SEMA5B: variants seen among roughly 807,000 people sequenced by gnomAD.
The protein encoded by SEMA5B is semaphorin 5B.
SEMA5B carries 66 observed loss-of-function variants against 135.0 expected under a neutral mutation model. The observed-to-expected ratio is 0.49, with a 90% CI of 0.40 to 0.60. The LOEUF (loss-of-function observed/expected upper bound fraction) is 0.60, where lower values mean the gene tolerates loss of function less well. Among genes scored for constraint, SEMA5B ranks in the 20% least tolerant of loss-of-function variants. The pLI is 0.00. For synonymous variants in SEMA5B, 690 were observed against 639.5 expected (o/e 1.08, Z -1.19); for missense variants, 1,501 against 1,566.3 (o/e 0.96, Z 0.70).
intron 1 of SEMA5B, among the ~76,000 whole-genome samples, chr3:122,971,669 T>G (rs778296400): frequency 6.6e-6 from 1 of 152,216 alleles, no homozygotes; most frequent in Non-Finnish European, 1.5e-5. Flanking sequence ...GTGGGGAAGG[T>G]GTTCACACAC....
intron 2 of SEMA5B, among the ~76,000 whole-genome samples, chr3:122,955,376 G>A (rs1206790302): frequency 2.0e-5 from 3 of 152,156 alleles, no homozygotes; most frequent in Admixed American, 2.0e-4. Flanking sequence ...CACAAAGTAG[G>A]CATTGTATAA....
intron 5 of SEMA5B, among the ~76,000 whole-genome samples, chr3:122,930,710 G>A (rs1259519871): frequency 6.6e-6 from 1 of 152,200 alleles, no homozygotes; most frequent in Non-Finnish European, 1.5e-5. Context: ...ATTCAACAGT[G>A]GGACAGGCAC....
At chr3:122,970,057 A>G (rs1254932282) in intron 1 of SEMA5B, among the ~76,000 whole-genome samples, 1 of 152,164 alleles carries the variant, frequency 6.6e-6, no homozygotes, top group Non-Finnish European at 1.5e-5. Flanking sequence ...CAGAACTGCT[A>G]CTTCTCTAGG....
chr3:122,986,555 G>A (rs1449564923), intron 1 of SEMA5B, among the ~76,000 whole-genome samples: 3 of 152,062 alleles, frequency 2.0e-5, no homozygotes, highest in Non-Finnish European at 4.4e-5. Flanking sequence ...AGAGAGGCAG[G>A]AGGGGGCACT....
At chr3:122,956,594 G>A (rs993148903) in intron 2 of SEMA5B, among the ~76,000 whole-genome samples, 1 of 152,194 alleles carries the variant, frequency 6.6e-6, no homozygotes, top group African/African-American at 2.4e-5. Context: ...GGCTAAGAGA[G>A]TGTGTATCAG....
chr3:122,926,559 C>G lies in SEMA5B; in HGVS notation c.969G>C (p.Lys323Asn). 6.2e-7 allele frequency: 1 copy of G among 1,614,236 alleles called. No homozygotes were observed. Among genetic ancestry groups the G allele is most frequent in the Non-Finnish European group, 8.5e-7 (1 of 1,180,046 alleles). ...TVYSRVARVC[K>N]NDVGGRFLLE... ...GCAGGAATCGGCCCCCCACGTCATT[C>G]TTGCACACGCGGGCCACGCGAGAGT... The change falls in exon 9 of 23, where the codon AAG becomes AAC. Residue 323 changes from lysine (K) to asparagine (N), a missense_variant. Coordinates refer to ENST00000357599, the MANE Select transcript of SEMA5B (RefSeq NM_001031702.4).
chr3:122,979,140 CA>C (rs1941437373), intron 1 of SEMA5B, among the ~76,000 whole-genome samples: 2 of 152,286 alleles, frequency 1.3e-5, no homozygotes, highest in South Asian at 4.1e-4. Flanking sequence ...GGGGAAGAAG[CA>C]AAGTCCTCAG....
At chr3:122,940,536 T>C (rs2107518559) in intron 4 of SEMA5B, among the ~76,000 whole-genome samples, 1 of 152,370 alleles carries the variant, frequency 6.6e-6, no homozygotes, top group East Asian at 1.9e-4. Context: ...TTTTGGTTCC[T>C]AAACTTTTTA....
intron 2 of SEMA5B, among the ~76,000 whole-genome samples, chr3:122,950,245 T>C (rs1236318628): frequency 4.6e-5 from 7 of 152,204 alleles, no homozygotes; most frequent in Admixed American, 4.6e-4. Context: ...CATCTATGGG[T>C]TTAGCAAAAA....
At chr3:122,939,236 C>A (rs1939444504) in intron 5 of SEMA5B, among the ~76,000 whole-genome samples, 189 bp downstream of exon 5, 1 of 152,234 alleles carries the variant, frequency 6.6e-6, no homozygotes, top group Non-Finnish European at 1.5e-5. Flanking sequence ...GAGCCACACC[C>A]TCCCTCCACG....
intron 1 of SEMA5B, among the ~76,000 whole-genome samples, chr3:122,986,678 T>A (rs1424296226): frequency 6.7e-6 from 1 of 149,158 alleles, no homozygotes; most frequent in Non-Finnish European, 1.5e-5. Context: ...AAATGGTGGG[T>A]AGAAAGGAAC....
chr3:122,912,047 C>T lies in SEMA5B; in HGVS notation c.2919G>A (p.Glu973=). 1.2e-6 allele frequency: 2 copies of T among 1,613,368 alleles called. No individual in the cohort carries two copies. The highest frequency in any genetic ancestry group is 1.1e-5 in the South Asian group (1 of 91,026). The change falls in exon 20 of 23, where the codon GAG becomes GAA. Residue 973 remains glutamate, a synonymous_variant. Coordinates refer to ENST00000357599, the MANE Select transcript of SEMA5B (RefSeq NM_001031702.4). ...ACPEGWSPWS[E]WSKCTDDGAQ... ...CTCCGTCGTCAGTGCACTTACTCCA[C>T]TCAGACCAGGGCGACCAGCCTTCTG...
intron 12 of SEMA5B, among the ~76,000 whole-genome samples, chr3:122,921,052 GC>G (rs2107634981): frequency 6.6e-6 from 1 of 152,192 alleles, no homozygotes; most frequent in East Asian, 1.9e-4. Flanking sequence ...ACAGGCCTCT[GC>G]CCAGCTCCGA....
intron 1 of SEMA5B, among the ~76,000 whole-genome samples, chr3:123,009,088 T>C (rs1408727613): frequency 6.6e-6 from 1 of 152,184 alleles, no homozygotes; most frequent in Non-Finnish European, 1.5e-5. Context: ...GGTGGACCCG[T>C]GGCAGGGCAA....
rs374695410 is a variant in SEMA5B at position 122,932,025 on chromosome 3, C to T, written c.475-2967G>A. On this transcript the variant is annotated intron_variant, in intron 5 of 22. Coordinates refer to ENST00000357599, the MANE Select transcript of SEMA5B (RefSeq NM_001031702.4). ...GTCAGATGTCTTTAACTGAAAGACACGTCCCAACTTCAGACTCATTAAAAT... is the reference window on the plus strand; with the variant it reads ...GTCAGATGTCTTTAACTGAAAGACATGTCCCAACTTCAGACTCATTAAAAT... Among the ~76,000 whole-genome samples, 27 of 152,288 alleles carry T rather than the reference C, an allele frequency of 1.8e-4. 2 individuals are homozygous for T. Among genetic ancestry groups the T allele is most frequent in the African/African-American group, 2.9e-4 (12 of 41,578 alleles).
intron 3 of SEMA5B, among the ~76,000 whole-genome samples, chr3:122,944,150 C>G (rs1939683596): frequency 6.6e-6 from 1 of 152,202 alleles, no homozygotes; most frequent in South Asian, 2.1e-4. Flanking sequence ...CTCCCAAGTC[C>G]AGTGCCTGGC....
chr3:122,917,301 T>G (rs9813853), intron 12 of SEMA5B, among the ~76,000 whole-genome samples: 8,429 of 152,196 alleles, frequency 0.055, 713 homozygotes, highest in African/African-American at 0.19. Flanking sequence ...TGGAGAAGGA[T>G]GTACTGGACT....
chr3:123,010,331 T>C (rs895898681), intron 1 of SEMA5B, among the ~76,000 whole-genome samples: 1 of 152,240 alleles, frequency 6.6e-6, no homozygotes, highest in Non-Finnish European at 1.5e-5. Flanking sequence ...GGAGAATTTC[T>C]TCACCTCTAA....
At chr3:122,986,698 GAC>G (rs372930512) in intron 1 of SEMA5B, among the ~76,000 whole-genome samples, 3 of 150,078 alleles carry the variant, frequency 2.0e-5, no homozygotes, top group Non-Finnish European at 3.0e-5. Flanking sequence ...CACACACACA[GAC>G]ACACACACAC....
Sources: gnomAD v4.1 joint callset for allele counts (sites outside exome capture counted in the v4.1 genomes callset) on GRCh38, gnomAD v4.1.1 for gene constraint, MANE v1.5 for transcripts, NCBI Gene and HGNC (gene_info 2026-07-23, HGNC 2026-07-21) for gene names.